The following SKIC3 variants were observed in gnomAD, a reference collection of about 807,000 sequenced individuals.
SKIC3 encodes the protein SKI3 subunit of superkiller complex.
the SKIC3 span, among the ~76,000 whole-genome samples, chr5:95,500,752 A>G: frequency 6.6e-6 from 1 of 152,184 alleles, no homozygotes; most frequent in Non-Finnish European, 1.5e-5. Flanking sequence ...ATATATTTTA[A>G]TCACTTTTCA....
chr5:95,495,024 C>G, the SKIC3 span: 11 of 1,613,276 alleles, frequency 6.8e-6, no homozygotes, highest in South Asian at 8.8e-5. Flanking sequence ...CTCCCTAGAA[C>G]AGAAAATATT....
the SKIC3 span, among the ~76,000 whole-genome samples, chr5:95,552,024 G>T: frequency 6.6e-6 from 1 of 152,102 alleles, no homozygotes; most frequent in Admixed American, 6.5e-5. Context: ...CTTCTTCCTT[G>T]CTCTCTCAAG....
the SKIC3 span, chr5:95,524,386 G>A: frequency 3.8e-6 from 6 of 1,568,136 alleles, no homozygotes; most frequent in South Asian, 5.7e-5. Flanking sequence ...AAGAGTAATT[G>A]TAACTAATGT....
At chr5:95,519,149 G>C in the SKIC3 span, among the ~76,000 whole-genome samples, 1 of 150,932 alleles carries the variant, frequency 6.6e-6, no homozygotes, top group African/African-American at 2.4e-5. Flanking sequence ...AACAAGAGCA[G>C]ACTGAATGAA....
At chr5:95,464,924 C>CTT in the SKIC3 span, among the ~76,000 whole-genome samples, 26 of 107,002 alleles carry the variant, frequency 2.4e-4, no homozygotes, top group African/African-American at 5.7e-4. Flanking sequence ...ATTCTGATTG[C>CTT]TTTTTTTTTT....
chr5:95,464,800 A>C, the SKIC3 span: 1 of 748,812 alleles, frequency 1.3e-6, no homozygotes, highest in South Asian at 1.5e-5. Flanking sequence ...ATCAAACTAT[A>C]CTAGGAAAAG....
At chr5:95,520,783 C>T in the SKIC3 span, 1 of 1,612,076 alleles carries the variant, frequency 6.2e-7, no homozygotes, top group African/African-American at 1.3e-5. Flanking sequence ...TCAACTAGAG[C>T]TGCTTTTGCC....
the SKIC3 span, chr5:95,516,415 A>G: frequency 2.5e-6 from 4 of 1,612,548 alleles, no homozygotes; most frequent in Non-Finnish European, 3.4e-6. Context: ...GCATTCTAAA[A>G]AACATAACAT....
the SKIC3 span, chr5:95,464,101 T>C: frequency 6.4e-6 from 1 of 157,266 alleles, no homozygotes; most frequent in African/African-American, 2.4e-5. Context: ...GAATTGGAGA[T>C]GAATCACTAG....
At chr5:95,478,132 T>C in the SKIC3 span, among the ~76,000 whole-genome samples, 1 of 152,120 alleles carries the variant, frequency 6.6e-6, no homozygotes, top group African/African-American at 2.4e-5. Context: ...TTGCTCTATG[T>C]CCATCACAAA....
the SKIC3 span, chr5:95,506,867 A>T: frequency 6.8e-7 from 1 of 1,468,616 alleles, no homozygotes; most frequent in Non-Finnish European, 9.5e-7. Context: ...GCATATCAGC[A>T]GTCCCATAGC....
At chr5:95,525,429 T>A in the SKIC3 span, 2 of 1,613,972 alleles carry the variant, frequency 1.2e-6, no homozygotes, top group Non-Finnish European at 1.7e-6. Flanking sequence ...TCCTTTTTGG[T>A]GAAATGAATC....
chr5:95,525,558 A>C, the SKIC3 span: 6 of 1,613,866 alleles, frequency 3.7e-6, no homozygotes, highest in Non-Finnish European at 5.1e-6. Flanking sequence ...TTAACTCAAA[A>C]AATGCTCAGT....
chr5:95,536,904 A>G, the SKIC3 span: 2 of 1,613,600 alleles, frequency 1.2e-6, no homozygotes, highest in African/African-American at 2.7e-5. Flanking sequence ...GCCTTCTTCA[A>G]TCTAGCAGAC....
chr5:95,490,885 T>TA, the SKIC3 span: 1 of 1,613,620 alleles, frequency 6.2e-7, no homozygotes, highest in African/African-American at 1.3e-5. Flanking sequence ...AAATCATGTA[T>TA]AAAGATGCTT....
the SKIC3 span, among the ~76,000 whole-genome samples, chr5:95,543,759 G>T: frequency 6.6e-6 from 1 of 152,036 alleles, no homozygotes; most frequent in Non-Finnish European, 1.5e-5. Context: ...TAGACACATG[G>T]ATTTTTCTCA....
the SKIC3 span, chr5:95,494,867 T>A: frequency 1.9e-6 from 3 of 1,595,606 alleles, no homozygotes; most frequent in Non-Finnish European, 2.6e-6. Context: ...AAGACTCTAT[T>A]TGATATGACA....
the SKIC3 span, among the ~76,000 whole-genome samples, chr5:95,478,828 G>T: frequency 6.6e-6 from 1 of 152,108 alleles, no homozygotes; most frequent in South Asian, 2.1e-4. Context: ...TATTTTTTAA[G>T]AAAAAACTCT....
the SKIC3 span, chr5:95,516,247 T>A: frequency 3.4e-6 from 4 of 1,160,630 alleles, no homozygotes; most frequent in African/African-American, 3.1e-5. Context: ...ACTGGCTAGA[T>A]AACGATGTGC....
Sources: gnomAD v4.1 joint callset for allele counts (sites outside exome capture counted in the v4.1 genomes callset) on GRCh38, gnomAD v4.1.1 for gene constraint, MANE v1.5 for transcripts, NCBI Gene and HGNC (gene_info 2026-07-23, HGNC 2026-07-21) for gene names.